The following RBMS1 variants were observed in gnomAD, a reference collection of about 807,000 sequenced individuals.
The protein encoded by RBMS1 is RNA-binding motif, single-stranded-interacting protein 1.
Under a neutral mutation model 62.3 loss-of-function variants are expected in RBMS1, and 17 were observed. The ratio of observed to expected loss-of-function variants is 0.27; its 90% CI spans 0.19 to 0.41. The LOEUF (loss-of-function observed/expected upper bound fraction) is 0.41. Ranked by LOEUF, RBMS1 falls within the 10% of genes least tolerant of loss-of-function variation. The pLI is 1.00. For missense variants in RBMS1, 334 were observed against 504.5 expected (o/e 0.66, Z 3.24); for synonymous variants, 172 against 170.0 (o/e 1.01, Z -0.09).
Position 160,367,373 on chromosome 2 carries a change from G to T in RBMS1, c.94C>A (p.His32Asn). ...CTGGGACTGGGAGGGGCCATGGGGT[G>T]GGCTGGGACCAGAGACTGCTGGAAA... The part of the protein sequence containing the change: ...LQAKQSLVPA[H>N]PMAPPSPSTT... The change falls in exon 2 of 14, where the codon CAC (histidine) becomes AAC (asparagine). Residue 32 changes from histidine to asparagine, a missense_variant. This residue lies in a region of RBMS1 where 150 missense variants were observed against 228.0 expected (regional missense o/e 0.66). Transcript: ENST00000348849. 1 of 1,614,000 alleles carries T rather than the reference G, an allele frequency of 6.2e-7. No homozygotes were observed. The highest frequency in any genetic ancestry group is 1.1e-5 in the South Asian group (1 of 91,072).
intron 2 of RBMS1, among the ~76,000 whole-genome samples, chr2:160,324,194 A>G (rs1329891894): frequency 1.3e-5 from 2 of 152,274 alleles, no homozygotes; most frequent in Non-Finnish European, 2.9e-5. Context: ...ATATCATTAT[A>G]GACTTTATCC....
intron 4 of RBMS1, among the ~76,000 whole-genome samples, chr2:160,311,064 T>G (rs1689826747): frequency 6.6e-6 from 1 of 151,304 alleles, no homozygotes; most frequent in South Asian, 2.1e-4. Context: ...TGTGGTGGCA[T>G]GTGCCTGTAA....
At chr2:160,292,302 C>T (rs2105942217) in intron 6 of RBMS1, among the ~76,000 whole-genome samples, 1 of 152,348 alleles carries the variant, frequency 6.6e-6, no homozygotes, top group South Asian at 2.1e-4. Context: ...ATAGTGCCTA[C>T]TTCAAAAGAT....
chr2:160,401,890 C>T (rs1327024997), intron 1 of RBMS1: 22 of 152,114 alleles, frequency 1.4e-4, no homozygotes, highest in Non-Finnish European at 1.5e-5. Flanking sequence ...ATGGTGGGAT[C>T]CACTTTTCTA....
chr2:160,330,324 A>G (rs1691190761), intron 2 of RBMS1, among the ~76,000 whole-genome samples: 1 of 152,190 alleles, frequency 6.6e-6, no homozygotes, highest in Admixed American at 6.5e-5. Flanking sequence ...GGGATATGCC[A>G]TATAGCTCTG....
chr2:160,439,237 A>G (rs1683281087), intron 1 of RBMS1, among the ~76,000 whole-genome samples: 1 of 151,040 alleles, frequency 6.6e-6, no homozygotes, highest in Non-Finnish European at 1.5e-5. Context: ...TGCCGGACGG[A>G]GACGCTCCTC....
intron 1 of RBMS1, among the ~76,000 whole-genome samples, chr2:160,481,228 C>T (rs545444201): frequency 2.0e-4 from 31 of 151,866 alleles, no homozygotes; most frequent in African/African-American, 6.8e-4. Flanking sequence ...ACTGGGGCAC[C>T]GGGGGTGGGC....
intron 2 of RBMS1, among the ~76,000 whole-genome samples, chr2:160,329,439 T>G (rs977298841): frequency 6.6e-6 from 1 of 152,174 alleles, no homozygotes; most frequent in Non-Finnish European, 1.5e-5. Flanking sequence ...CCGTATTGAT[T>G]TCTTACTGGT....
chr2:160,283,579 T>G (rs953396246), intron 9 of RBMS1: 1 of 152,228 alleles, frequency 6.6e-6, no homozygotes, highest in East Asian at 1.9e-4. Context: ...TTTTAGCGTA[T>G]CTAATCACTT....
intron 12 of RBMS1, among the ~76,000 whole-genome samples, chr2:160,276,422 T>A (rs1269971484): frequency 6.8e-6 from 1 of 147,646 alleles, no homozygotes; most frequent in Non-Finnish European, 1.5e-5. Flanking sequence ...CACCACCACC[T>A]CCACCAACAG....
intron 1 of RBMS1, among the ~76,000 whole-genome samples, chr2:160,423,460 C>T (rs1051360602): frequency 2.6e-5 from 4 of 152,008 alleles, no homozygotes; most frequent in South Asian, 4.2e-4. Flanking sequence ...AAAGACTGTC[C>T]GTCAGTGGAC....
chr2:160,285,228 C>T (rs971707539), intron 7 of RBMS1, among the ~76,000 whole-genome samples, 184 bp from the exon 8 acceptor site: 1 of 151,940 alleles, frequency 6.6e-6, no homozygotes, highest in Non-Finnish European at 1.5e-5. Context: ...CACTGCACTC[C>T]AGCCTGGGCA....
At chr2:160,400,216 C>T (rs1358006937) in intron 1 of RBMS1, among the ~76,000 whole-genome samples, 2 of 152,132 alleles carry the variant, frequency 1.3e-5, no homozygotes, top group African/African-American at 4.8e-5. Flanking sequence ...TTCCATTATA[C>T]ATTAAAGAAA....
At chr2:160,326,805 A>C (rs187828816) in intron 2 of RBMS1, among the ~76,000 whole-genome samples, 126 of 152,328 alleles carry the variant, frequency 8.3e-4, no homozygotes, top group African/African-American at 3.0e-3. Flanking sequence ...ATTAAAGACA[A>C]AGGATTTCTT....
At chr2:160,426,301 G>GAAAGAAAGAAAGAAAAGAAA (rs1559537559) in intron 1 of RBMS1, among the ~76,000 whole-genome samples, 4 of 28,632 alleles carry the variant, frequency 1.4e-4, no homozygotes, top group Non-Finnish European at 2.4e-4. Flanking sequence ...AAAGAAAGAA[G>GAAAGAAAGAAAGAAAAGAAA]GAAGGAAGGA....
At chr2:160,488,621 C>T (rs767310651) in intron 1 of RBMS1, among the ~76,000 whole-genome samples, 4 of 152,098 alleles carry the variant, frequency 2.6e-5, no homozygotes, top group Admixed American at 1.3e-4. Context: ...CATTTAAATT[C>T]ATCCCACATA....
chr2:160,335,336 G>A (rs1444197584), intron 2 of RBMS1, among the ~76,000 whole-genome samples: 1 of 152,174 alleles, frequency 6.6e-6, no homozygotes, highest in Non-Finnish European at 1.5e-5. Context: ...GGGTGGCAAA[G>A]CAATGTCTGG....
At chr2:160,370,454 G>A (rs2105164561) in intron 1 of RBMS1, among the ~76,000 whole-genome samples, 1 of 152,274 alleles carries the variant, frequency 6.6e-6, no homozygotes, top group East Asian at 1.9e-4. Flanking sequence ...CCACCATGGT[G>A]AAACCCCGTC....
At chr2:160,351,784 C>A (rs1429576868) in intron 2 of RBMS1, among the ~76,000 whole-genome samples, 1 of 151,976 alleles carries the variant, frequency 6.6e-6, no homozygotes, top group Non-Finnish European at 1.5e-5. Flanking sequence ...CCCAAGTGAG[C>A]CACTTTGATA....
Sources: allele counts gnomAD v4.1 joint callset (sites outside exome capture counted in the v4.1 genomes callset), GRCh38; gene constraint gnomAD v4.1.1; regional missense constraint gnomAD v4.1.1; transcripts MANE v1.5; gene names NCBI Gene and HGNC (gene_info 2026-07-23, HGNC 2026-07-21).